Variants in STRN4 observed in about 807,000 individuals in gnomAD.
The protein encoded by STRN4 is striatin 4.
In STRN4, 27 loss-of-function variants were observed where a neutral mutation model predicts 77.9. The ratio of observed to expected loss-of-function variants is 0.35; its 90% confidence interval spans 0.26 to 0.48. The LOEUF (loss-of-function observed/expected upper bound fraction) is 0.48, where lower values mean the gene tolerates loss of function less well. Ranked by LOEUF, STRN4 falls within the 20% of genes least tolerant of loss-of-function variation. The probability of loss-of-function intolerance (pLI) is 0.99; values close to 1 mark genes in which losing one functional copy is unlikely to be tolerated. For synonymous variants in STRN4, 466 were observed against 443.1 expected (o/e 1.05, Z -0.65); for missense variants, 798 against 1,049.7 (o/e 0.76, Z 3.31).
At chr19:46,722,115 GGCCTCGCCTGA>G in intron 15 of STRN4, 43 bp from the exon 16 acceptor site, 1 of 1,609,732 alleles carries the variant, frequency 6.2e-7, no homozygotes, top group African/African-American at 1.3e-5. Context: ...TCCCACTCTG[GGCCTCGCCTGA>G]GAGAGTGAAA....
In STRN4 at chr19:46,728,780, G is replaced by A. The variant is rs2054182751; in HGVS notation, c.880-3C>T. The A allele has an allele frequency of 6.2e-7, 1 of 1,613,956 alleles. No individual in the cohort carries two copies. The highest frequency in any genetic ancestry group is 1.1e-5 in the South Asian group (1 of 91,082). ...GGCACCAGAGCCTTGGATGGGAGCT[G>A]GCACATGGAGAAAGCCAGACAAGTC... On this transcript the variant is annotated splice_region_variant and splice_polypyrimidine_tract_variant and intron_variant, in intron 6 of 17. Transcript: ENST00000263280.
chr19:46,736,864 G>A lies in STRN4; in HGVS notation c.498C>T (p.Asn166=). Residue 166 remains asparagine, a synonymous_variant, in exon 4 of 18, where the codon AAC becomes AAT. Transcript: ENST00000263280. ...NGPVESVTLE[N]SPLVWKEGRQ... ...GCCCCTCCTTCCACACCAACGGGCT[G>A]TTCTCCAGGGTGACCGATTCCACGG... 6.2e-7 allele frequency: 1 copy of A among 1,613,146 alleles called. No individual in the cohort carries two copies. The highest frequency in any genetic ancestry group is 8.5e-7 in the Non-Finnish European group (1 of 1,179,572).
intron 8 of STRN4, 28 bp from the exon 9 acceptor site, chr19:46,727,574 GGGGGA>G: frequency 1.2e-6 from 2 of 1,607,788 alleles, no homozygotes; most frequent in Admixed American, 1.7e-5. Flanking sequence ...GAACCTGGTA[GGGGGA>G]GGGGAGGGAG....
chr19:46,744,910 T>C (rs568910363), intron 1 of STRN4, among the ~76,000 whole-genome samples: 31 of 152,008 alleles, frequency 2.0e-4, no homozygotes, highest in Non-Finnish European at 7.4e-5. Context: ...GACCTGACGC[T>C]CCACGAGGTC....
At chr19:46,722,768 GAC>G (rs1568387725) in intron 14 of STRN4, 40 bp downstream of exon 14, 1 of 1,607,604 alleles carries the variant, frequency 6.2e-7, no homozygotes, top group Non-Finnish European at 8.5e-7. Flanking sequence ...GGGCCCAGAA[GAC>G]ACTGAGACCA....
chr19:46,721,922 C>T, intron 16 of STRN4, 64 bp downstream of exon 16: 3 of 1,583,498 alleles, frequency 1.9e-6, no homozygotes, highest in Non-Finnish European at 2.6e-6. Context: ...TTGCCTGGAG[C>T]CAGTGCCCAG....
At chr19:46,735,981 GATA>G (rs920463930) in intron 4 of STRN4, among the ~76,000 whole-genome samples, 11 of 139,364 alleles carry the variant, frequency 7.9e-5, no homozygotes, top group Admixed American at 5.1e-4. Flanking sequence ...TAATAATAAT[GATA>G]ATAATTTGGC....
At chr19:46,745,869 C>T (rs2054581966) in intron 1 of STRN4, 2 of 327,210 alleles carry the variant, frequency 6.1e-6, no homozygotes, top group Non-Finnish European at 1.1e-5. Flanking sequence ...TGGTTGTGGT[C>T]CCTCCGCCCC....
chr19:46,746,212 C>T lies in STRN4; in HGVS notation c.219G>A (p.Gln73=). Residue 73 remains glutamine (Q), a synonymous_variant, in exon 1 of 18, where the codon CAG becomes CAA. Transcript: ENST00000263280. ...CGGCTTCGAAGCGCGCCCACTCGTG[C>T]TGGATAAAGTGCAGGATCCCCGGCA... The part of the protein sequence containing the change: ...LSLPGILHFI[Q]HEWARFEAEK... The T allele has an allele frequency of 6.5e-7, 1 of 1,538,786 alleles. No homozygotes were observed. Among genetic ancestry groups the T allele is most frequent in the Middle Eastern group, 1.7e-4 (1 of 5,812 alleles).
intron 6 of STRN4, among the ~76,000 whole-genome samples, chr19:46,729,041 C>G (rs144298582): frequency 6.6e-6 from 1 of 152,154 alleles, no homozygotes; most frequent in Non-Finnish European, 1.5e-5. Flanking sequence ...CAAGGTGCCT[C>G]GGATGAAGAA....
Position 46,733,115 on chromosome 19 carries a change from T to C in STRN4, c.661A>G (p.Arg221Gly). 1 of 1,613,100 alleles carries C rather than the reference T, an allele frequency of 6.2e-7. No homozygotes were observed. Among genetic ancestry groups the C allele is most frequent in the Non-Finnish European group, 8.5e-7 (1 of 1,179,908 alleles). ...GAVEPSEGAP[R>G]APPGPAGLSG... ...AGCCCTGCAGGGCCTGGTGGAGCCC[T>C]GGGGGCCCCTTCACTCGGCTCCACT... Residue 221 changes from arginine (R) to glycine (G), a missense_variant, in exon 5 of 18, where the codon AGG (arginine) becomes GGG (glycine). Transcript: ENST00000263280. The surrounding 1 kb of genome is among the most constrained non-coding windows in gnomAD (Gnocchi z 4.3).
In STRN4 at chr19:46,724,249, C is replaced by CAAAAAAAAA. The variant is rs71970589; in HGVS notation, c.1594+549_1594+557dup. Among the ~76,000 whole-genome samples, 174 of 87,164 alleles carry CAAAAAAAAA rather than the reference C, an allele frequency of 2.0e-3. 12 individuals carry two copies. The highest frequency in any genetic ancestry group is 5.9e-3 in the African/African-American group (116 of 19,606). The allele number at this position is 87,164 out of a possible 152,430, so 57.2% of individuals were successfully genotyped here. On this transcript the variant is annotated intron_variant, in intron 12 of 17. Coordinates refer to ENST00000263280, the MANE Select transcript of STRN4 (RefSeq NM_013403.3). Reference sequence around the variant, plus strand: ...GGTGACAGAGTGAGACTCTTTGTCTCAAAAAAAAAAAAAAAAAAAAAAAAA... The same window carrying CAAAAAAAAA: ...GGTGACAGAGTGAGACTCTTTGTCTCAAAAAAAAAAAAAAAAAAAAAAAAAAAAAAAAAA...
chr19:46,728,419 A>T, intron 7 of STRN4, 199 bp downstream of exon 7: 1 of 719,970 alleles, frequency 1.4e-6, no homozygotes, highest in Non-Finnish European at 2.2e-6. Flanking sequence ...CTGCGTCTCC[A>T]TGGGGATTTT....
Position 46,719,811 on chromosome 19 carries a change from G to A in STRN4, c.*594C>T, listed in dbSNP as rs917305310. The A allele has an allele frequency of 2.6e-5, 4 of 152,342 alleles. No individual in the cohort carries two copies. The highest frequency in any genetic ancestry group is 4.4e-5 in the Non-Finnish European group (3 of 68,056). 9.4% of individuals were successfully genotyped at this position (152,342 alleles called of 1,614,324 possible). A position where few individuals can be genotyped will look rare whatever the true frequency, so the allele number is the denominator to read the frequency against. ...CCCCAGGGAGGGGCACAAGAAAGCC[G>A]TCTCTACCCATGGGCGACCCCATGG... On this transcript the variant is annotated 3_prime_UTR_variant, in exon 18 of 18. Coordinates refer to ENST00000263280, the MANE Select transcript of STRN4 (RefSeq NM_013403.3).
At chr19:46,739,775 T>C (rs949751841) in intron 1 of STRN4, among the ~76,000 whole-genome samples, 1 of 152,218 alleles carries the variant, frequency 6.6e-6, no homozygotes, top group Admixed American at 6.5e-5. Context: ...TCTCTGAGCC[T>C]CCATTTGCCC....
At chr19:46,732,764 AC>A in intron 5 of STRN4, 1 of 434,978 alleles carries the variant, frequency 2.3e-6, no homozygotes. Flanking sequence ...TTCGGTAAGC[AC>A]CCCACTCGAC....
Position 46,720,570 on chromosome 19 carries a change from A to G in STRN4, c.*32T>C. Reference sequence around the variant, plus strand: ...ACCTGCCCGGCCCTACACCCCAGCCAGCGTGGCGGCCAGGGCAGGGCCAGG... The same window carrying G: ...ACCTGCCCGGCCCTACACCCCAGCCGGCGTGGCGGCCAGGGCAGGGCCAGG... On this transcript the variant is annotated 3_prime_UTR_variant, in exon 17 of 18. Coordinates refer to ENST00000263280, the MANE Select transcript of STRN4 (RefSeq NM_013403.3). 6.6e-7 allele frequency: 1 copy of G among 1,519,416 alleles called. No homozygotes were observed. Among genetic ancestry groups the G allele is most frequent in the South Asian group, 1.3e-5 (1 of 76,640 alleles). 94.1% of individuals were successfully genotyped at this position (1,519,416 alleles called of 1,614,324 possible). A position where few individuals can be genotyped will look rare whatever the true frequency, so the allele number is the denominator to read the frequency against.
At chr19:46,725,438 G>C in intron 10 of STRN4, 35 bp downstream of exon 10, 1 of 1,613,346 alleles carries the variant, frequency 6.2e-7, no homozygotes, top group Non-Finnish European at 8.5e-7. Context: ...GTCCCCAGAT[G>C]CCCCTGCCCC....
At chr19:46,739,376 C>T (rs769596226) in intron 1 of STRN4, 4 of 166,942 alleles carry the variant, frequency 2.4e-5, no homozygotes, top group Admixed American at 5.6e-5. Flanking sequence ...GTGGGTGGCT[C>T]GGCTCGGCTC....
Sources: allele counts gnomAD v4.1 joint callset (sites outside exome capture counted in the v4.1 genomes callset), GRCh38; gene constraint gnomAD v4.1.1; non-coding constraint Gnocchi (gnomAD v3.1); transcripts MANE v1.5; gene names NCBI Gene and HGNC (gene_info 2026-07-23, HGNC 2026-07-21).